Variants in SERPINE2 observed in about 807,000 individuals in gnomAD.
SERPINE2 encodes glia-derived nexin.
In SERPINE2, 14 loss-of-function variants were observed where a neutral mutation model predicts 36.3. The observed-to-expected ratio is 0.39, with a 90% CI of 0.25 to 0.60. SERPINE2 has a LOEUF of 0.60. SERPINE2 is among the 20% of genes least tolerant of loss of function. The pLI, the probability that SERPINE2 is intolerant of heterozygous loss-of-function variation, is 0.57. For synonymous variants in SERPINE2, 192 were observed against 191.8 expected, an observed-to-expected ratio of 1.00 and a Z score of -0.01; for missense variants, 418 against 499.6, an observed-to-expected ratio of 0.84 and a Z score of 1.56.
chr2:224,036,054 A>G (rs145857132), intron 1 of SERPINE2, among the ~76,000 whole-genome samples: 80 of 152,320 alleles, frequency 5.3e-4, no homozygotes, highest in Non-Finnish European at 2.5e-4. Flanking sequence ...GGTGAAAACT[A>G]AAATCAATTT....
At chr2:223,991,618 T>G (rs1451004040) in intron 4 of SERPINE2, among the ~76,000 whole-genome samples, 185 bp downstream of exon 4, 1 of 152,254 alleles carries the variant, frequency 6.6e-6, no homozygotes, top group Non-Finnish European at 1.5e-5. Context: ...CTATGCATGG[T>G]AACTTTTGTA....
At chr2:224,024,934 G>A (rs1159625907) in intron 1 of SERPINE2, among the ~76,000 whole-genome samples, 1 of 152,158 alleles carries the variant, frequency 6.6e-6, no homozygotes, top group African/African-American at 2.4e-5. Context: ...GCATTTTATA[G>A]GGGAGAACAT....
Position 223,992,662 on chromosome 2 carries a change from A to G in SERPINE2, c.488-662T>C, listed in dbSNP as rs374228109. Among the ~76,000 whole-genome samples, 18 of 152,340 alleles carry G rather than the reference A, an allele frequency of 1.2e-4. 1 individual carries two copies. The highest frequency in any genetic ancestry group is 4.3e-4 in the African/African-American group (18 of 41,568). On this transcript the variant is annotated intron_variant, in intron 3 of 8. Transcript: ENST00000409304. Reference sequence around the variant, plus strand: ...AAGGTGCTAATATTAGAGACAACAGAAGAGAGGATTTTGAATGTTCCCACC... The same window carrying G: ...AAGGTGCTAATATTAGAGACAACAGGAGAGAGGATTTTGAATGTTCCCACC...
intron 1 of SERPINE2, among the ~76,000 whole-genome samples, chr2:224,018,342 C>G (rs1190507465): frequency 6.6e-6 from 1 of 152,150 alleles, no homozygotes; most frequent in Non-Finnish European, 1.5e-5. Flanking sequence ...TAAAGCCAGA[C>G]CAGCCCTGCC....
chr2:223,980,434 T>G (rs1269932800), intron 6 of SERPINE2, 37 bp from the exon 7 acceptor site: 2 of 1,573,662 alleles, frequency 1.3e-6, no homozygotes, highest in African/African-American at 2.7e-5. Context: ...AGCATTTGTT[T>G]GATAGGCAGG....
chr2:224,018,853 C>T (rs1559216327), intron 1 of SERPINE2, among the ~76,000 whole-genome samples: 2 of 152,214 alleles, frequency 1.3e-5, no homozygotes, highest in Admixed American at 6.5e-5. Flanking sequence ...TGATCCACCC[C>T]TCTCAAGCTC....
intron 6 of SERPINE2, 167 bp downstream of exon 6, chr2:223,982,514 C>A: frequency 6.1e-6 from 3 of 489,580 alleles, no homozygotes; most frequent in Admixed American, 3.8e-5. Context: ...AAATGAAGGT[C>A]AATAAATAAA....
chr2:223,979,666 G>A (rs1277553699), intron 7 of SERPINE2: 1 of 152,236 alleles, frequency 6.6e-6, no homozygotes, highest in Non-Finnish European at 1.5e-5. Flanking sequence ...AGATGTGGAT[G>A]TTCTAATTAT....
chr2:223,995,963 C>T (rs574286664), intron 3 of SERPINE2, among the ~76,000 whole-genome samples: 23 of 152,128 alleles, frequency 1.5e-4, no homozygotes, highest in Non-Finnish European at 3.4e-4. Flanking sequence ...CAGTTTGGCA[C>T]TGTCTCAAAT....
chr2:224,016,473 T>G (rs1175684597), intron 1 of SERPINE2, among the ~76,000 whole-genome samples: 1 of 149,360 alleles, frequency 6.7e-6, no homozygotes, highest in Non-Finnish European at 1.5e-5. Context: ...GCTATTGCAC[T>G]CCAGCCTGGG....
At chr2:224,006,984 A>G (rs1190886729) in intron 1 of SERPINE2, among the ~76,000 whole-genome samples, 2 of 152,104 alleles carry the variant, frequency 1.3e-5, no homozygotes, top group African/African-American at 2.4e-5. Flanking sequence ...CTGTGTGAGC[A>G]CCTGTGACGA....
chr2:224,000,091 T>C (rs1234179284), intron 2 of SERPINE2, among the ~76,000 whole-genome samples: 5 of 152,182 alleles, frequency 3.3e-5, no homozygotes, highest in African/African-American at 2.4e-5. Context: ...AGCGAGGCAC[T>C]GAAGGACACA....
intron 1 of SERPINE2, among the ~76,000 whole-genome samples, chr2:224,010,078 G>C (rs1241102623): frequency 6.6e-6 from 1 of 152,008 alleles, no homozygotes; most frequent in Non-Finnish European, 1.5e-5. Flanking sequence ...GCAAACTAAA[G>C]TACATCTTGG....
At chr2:224,018,873 C>A (rs969369367) in intron 1 of SERPINE2, among the ~76,000 whole-genome samples, 1 of 152,218 alleles carries the variant, frequency 6.6e-6, no homozygotes, top group African/African-American at 2.4e-5. Flanking sequence ...CCTCTATCCC[C>A]AGCCCAAGCC....
chr2:223,975,813 T>C lies in SERPINE2; in HGVS notation c.*54A>G. 4 of 1,408,294 alleles carry C rather than the reference T, an allele frequency of 2.8e-6. No homozygotes were observed. The highest frequency in any genetic ancestry group is 3.9e-6 in the Non-Finnish European group (4 of 1,028,872). 87.2% of individuals were successfully genotyped at this position (1,408,294 alleles called of 1,614,324 possible). A position where few individuals can be genotyped will look rare whatever the true frequency, so the allele number is the denominator to read the frequency against. ...AACTATGAAAGATGCAGGAAAGGAGTCTTTCTTCGTAGCAAAGTAGTCGTT... is the reference window on the plus strand; with the variant it reads ...AACTATGAAAGATGCAGGAAAGGAGCCTTTCTTCGTAGCAAAGTAGTCGTT... On this transcript the variant is annotated 3_prime_UTR_variant, in exon 9 of 9. Coordinates refer to ENST00000409304, the MANE Select transcript of SERPINE2 (RefSeq NM_001136528.2).
At chr2:223,998,779 G>T (rs1193901776) in intron 2 of SERPINE2, among the ~76,000 whole-genome samples, 2 of 152,062 alleles carry the variant, frequency 1.3e-5, no homozygotes, top group African/African-American at 4.8e-5. Context: ...TAAGTCTTCT[G>T]TTCTCTCAGG....
At chr2:223,992,699 A>G (rs2106151835) in intron 3 of SERPINE2, among the ~76,000 whole-genome samples, 1 of 152,360 alleles carries the variant, frequency 6.6e-6, no homozygotes, top group East Asian at 1.9e-4. Context: ...TAAAGAAATG[A>G]GAAACGTTTG....
Position 224,001,820 on chromosome 2 carries a change from G to T in SERPINE2, c.81C>A (p.Leu27=), listed in dbSNP as rs750112753. The T allele has an allele frequency of 1.9e-6, 3 of 1,613,954 alleles. No individual in the cohort carries two copies. The highest frequency in any genetic ancestry group is 2.5e-6 in the Non-Finnish European group (3 of 1,180,022). ...TCCCCGTGTTGGAGCCTAGTTCCTC[G>T]AGAGACAGAGGATTGAAGTGGGAGC... ...SICSHFNPLS[L]EELGSNTGIQ... is the part of the protein sequence containing the mutation. The change falls in exon 2 of 9, where the codon CTC becomes CTA. Residue 27 remains leucine, a synonymous_variant. Transcript: ENST00000409304.
intron 1 of SERPINE2, among the ~76,000 whole-genome samples, chr2:224,031,751 C>T (rs926563822): frequency 7.4e-6 from 1 of 136,020 alleles, no homozygotes. Flanking sequence ...CTAGGATTTC[C>T]ACCCCCCACC....
Sources: gnomAD v4.1 joint callset for allele counts (sites outside exome capture counted in the v4.1 genomes callset) on GRCh38, gnomAD v4.1.1 for gene constraint, MANE v1.5 for transcripts, NCBI Gene and HGNC (gene_info 2026-07-23, HGNC 2026-07-21) for gene names.